PTPRZ1: variants seen among roughly 807,000 people sequenced by gnomAD.
PTPRZ1 encodes protein tyrosine phosphatase receptor type Z1, also known as receptor-type tyrosine-protein phosphatase zeta.
Under a neutral mutation model 214.1 loss-of-function variants are expected in PTPRZ1, and 82 were observed. That is an observed-to-expected ratio of 0.38 (90% CI 0.32 to 0.46). PTPRZ1 has a LOEUF of 0.46. Ranked by LOEUF, PTPRZ1 falls within the 20% of genes least tolerant of loss-of-function variation. The probability of loss-of-function intolerance (pLI) is 1.00; values close to 1 mark genes in which losing one functional copy is unlikely to be tolerated. For synonymous variants in PTPRZ1, 945 were observed against 987.9 expected (o/e 0.96, Z 0.81); for missense variants, 2,603 against 2,748.7 (o/e 0.95, Z 1.19).
At position 121,963,940 on chromosome 7, in the gene PTPRZ1, A is replaced by T. The variant is rs908478081; in HGVS notation, c.125-4011A>T. Among the ~76,000 whole-genome samples the T allele has an allele frequency of 2.6e-4, 39 of 149,180 alleles. 1 individual carries two copies. In the East Asian group the frequency reaches 7.7e-3, roughly 30 times the overall value. On this transcript the variant is annotated intron_variant, in intron 2 of 29. Coordinates refer to ENST00000393386, the MANE Select transcript of PTPRZ1 (RefSeq NM_002851.3). The stretch of plus-strand genomic sequence containing the variant: ...GTGTCATTGCGCTATATGTTGTCCT[A>T]ACCTCGTGTAGTTCAGACTTCAGGT...
chr7:122,015,945 A>G (rs1380622212), intron 12 of PTPRZ1, among the ~76,000 whole-genome samples: 1 of 152,066 alleles, frequency 6.6e-6, no homozygotes, highest in Admixed American at 6.6e-5. Context: ...AATCATATGT[A>G]ATCTGTCTTA....
chr7:121,912,984 G>A (rs1259981070), intron 1 of PTPRZ1, among the ~76,000 whole-genome samples: 1 of 152,122 alleles, frequency 6.6e-6, no homozygotes, highest in Non-Finnish European at 1.5e-5. Context: ...TTCATGTAAT[G>A]AATATTTACA....
rs1313599188 is a variant in PTPRZ1 at position 121,891,476 on chromosome 7, T to TG, written c.58+17919_58+17920insG. 8.2e-4 allele frequency among the ~76,000 whole-genome samples: 119 copies of TG among 144,298 alleles called. 1 individual carries two copies. Among genetic ancestry groups the TG allele is most frequent in the African/African-American group, 2.8e-3 (109 of 38,468 alleles). 94.7% of individuals were successfully genotyped at this position (144,298 alleles called of 152,430 possible). On this transcript the variant is annotated intron_variant, in intron 1 of 29. Transcript: ENST00000393386. ...CTTTTTTTTTTTTTTTTTTTTTTTTTTTTTTAGTTTGATTTTGCTTGAATC... is the reference window on the plus strand; with the variant it reads ...CTTTTTTTTTTTTTTTTTTTTTTTTTGTTTTTAGTTTGATTTTGCTTGAATC...
At position 121,929,572 on chromosome 7, in the gene PTPRZ1, C is replaced by T. The variant is rs541614224; in HGVS notation, c.124+1351C>T. 6.0e-5 allele frequency among the ~76,000 whole-genome samples: 9 copies of T among 150,618 alleles called. No homozygotes were observed. The East Asian group carries it at 1.8e-3, about 29-fold the overall frequency. ...CCTGTAATCCCAGCACTTTGGGAGG[C>T]TGAGGTGGGTAGATCACAAGGTCAG... On this transcript the variant is annotated intron_variant, in intron 2 of 29. Coordinates refer to ENST00000393386, the MANE Select transcript of PTPRZ1 (RefSeq NM_002851.3).
chr7:122,018,599 C>T (rs1048225193), intron 12 of PTPRZ1, among the ~76,000 whole-genome samples: 4 of 151,002 alleles, frequency 2.6e-5, no homozygotes, highest in African/African-American at 9.8e-5. Flanking sequence ...AAATTGAAAT[C>T]GATTACTGGA....
At chr7:121,900,876 T>A (rs1341432865) in intron 1 of PTPRZ1, among the ~76,000 whole-genome samples, 2 of 152,220 alleles carry the variant, frequency 1.3e-5, no homozygotes, top group East Asian at 3.8e-4. Flanking sequence ...TTCTTGTACA[T>A]GAACGATGTG....
At chr7:121,983,477 T>C (rs956090300) in intron 6 of PTPRZ1, among the ~76,000 whole-genome samples, 188 bp from the exon 7 acceptor site, 1 of 152,228 alleles carries the variant, frequency 6.6e-6, no homozygotes, top group Non-Finnish European at 1.5e-5. Context: ...TAACACTGTA[T>C]AGTGACATGT....
chr7:121,908,606 TC>T, intron 1 of PTPRZ1: 1 of 370,442 alleles, frequency 2.7e-6, no homozygotes, highest in South Asian at 2.1e-5. Context: ...TCTCTTTATT[TC>T]CATTACCCTT....
chr7:122,000,208 C>T (rs1225053663), intron 10 of PTPRZ1, among the ~76,000 whole-genome samples: 1 of 152,104 alleles, frequency 6.6e-6, no homozygotes, highest in African/African-American at 2.4e-5. Flanking sequence ...GATTGGTTCT[C>T]TTAGGAGTTA....
intron 23 of PTPRZ1, among the ~76,000 whole-genome samples, chr7:122,046,494 G>A (rs759634797): frequency 6.6e-6 from 1 of 152,154 alleles, no homozygotes; most frequent in Non-Finnish European, 1.5e-5. Flanking sequence ...TGCTGTAGGA[G>A]TACAGGTAAG....
At chr7:122,046,594 G>A (rs944225836) in intron 23 of PTPRZ1, among the ~76,000 whole-genome samples, 9 of 151,652 alleles carry the variant, frequency 5.9e-5, no homozygotes, top group African/African-American at 2.2e-4. Context: ...AGAGAGAGAG[G>A]AGAGAAAAGA....
intron 1 of PTPRZ1, among the ~76,000 whole-genome samples, chr7:121,912,751 G>C (rs533873097): frequency 6.6e-6 from 1 of 152,238 alleles, no homozygotes; most frequent in Admixed American, 6.5e-5. Context: ...GAAAGACGAT[G>C]ATGAAAATAG....
At position 122,042,656 on chromosome 7, in the gene PTPRZ1, G is replaced by A; in HGVS notation, c.5850G>A (p.Leu1950=). 1 of 1,613,886 alleles carries A rather than the reference G, an allele frequency of 6.2e-7. No homozygotes were observed. Among genetic ancestry groups the A allele is most frequent in the Non-Finnish European group, 8.5e-7 (1 of 1,179,820 alleles). The part of the protein sequence containing the change: ...TGTYIVLDSM[L]QQIQHEGTVN... Reference sequence around the variant, plus strand: ...CATATATTGTGCTAGACAGTATGTTGCAGCAGATTCAACACGAAGGAACTG... The same window carrying A: ...CATATATTGTGCTAGACAGTATGTTACAGCAGATTCAACACGAAGGAACTG... Residue 1950 remains leucine, a synonymous_variant, in exon 22 of 30, where the codon TTG becomes TTA. Coordinates refer to ENST00000393386, the MANE Select transcript of PTPRZ1 (RefSeq NM_002851.3).
At chr7:121,934,144 A>G (rs1194568063) in intron 2 of PTPRZ1, among the ~76,000 whole-genome samples, 3 of 152,160 alleles carry the variant, frequency 2.0e-5, no homozygotes, top group East Asian at 3.9e-4. Context: ...CTCACTGTAT[A>G]CTATTCATAC....
At position 122,039,590 on chromosome 7, in the gene PTPRZ1, T is replaced by G. The variant is rs1451485035; in HGVS notation, c.5637+2T>G. The stretch of plus-strand genomic sequence containing the variant: ...CTAAGAAACACAAAAATAAAAAAGG[T>G]GAGTCAACAAAATGATGGGCATAAT... On this transcript the variant is annotated splice_donor_variant, in intron 20 of 29. Coordinates refer to ENST00000393386, the MANE Select transcript of PTPRZ1 (RefSeq NM_002851.3). LOFTEE classifies it high-confidence loss of function. 6.2e-7 allele frequency: 1 copy of G among 1,612,740 alleles called. No individual in the cohort carries two copies. The highest frequency in any genetic ancestry group is 8.5e-7 in the Non-Finnish European group (1 of 1,179,716).
chr7:121,995,606 C>T (rs1277662622), intron 8 of PTPRZ1, among the ~76,000 whole-genome samples: 1 of 152,164 alleles, frequency 6.6e-6, no homozygotes, highest in East Asian at 1.9e-4. Flanking sequence ...TTTCATAATA[C>T]TACTTTTTCA....
chr7:121,934,251 A>C (rs966359462), intron 2 of PTPRZ1, among the ~76,000 whole-genome samples: 1 of 152,308 alleles, frequency 6.6e-6, no homozygotes, highest in South Asian at 2.1e-4. Context: ...TAGTTGGACA[A>C]GAACCGTAGC....
At position 122,034,298 on chromosome 7, in the gene PTPRZ1, C is replaced by G; in HGVS notation, c.5204C>G (p.Thr1735Ser). Residue 1735 changes from threonine (T) to serine (S), a missense_variant, in exon 17 of 30, where the codon ACT becomes AGT. Transcript: ENST00000393386. ...KEFYQEVQSC[T>S]VDLGITADSS... ...TTTTTACAGGAAGTGCAGAGCTGTA[C>G]TGTTGACTTAGGTATTACAGCAGAC... 1 of 1,613,250 alleles carries G rather than the reference C, an allele frequency of 6.2e-7. No homozygotes were observed. The highest frequency in any genetic ancestry group is 8.5e-7 in the Non-Finnish European group (1 of 1,179,500).
chr7:122,030,346 A>G (rs1799335338), intron 14 of PTPRZ1, among the ~76,000 whole-genome samples: 1 of 152,106 alleles, frequency 6.6e-6, no homozygotes, highest in African/African-American at 2.4e-5. Flanking sequence ...GTACTAGTCT[A>G]CTTATGAAAG....
Sources: gnomAD v4.1 joint callset for allele counts (sites outside exome capture counted in the v4.1 genomes callset) on GRCh38, gnomAD v4.1.1 for gene constraint, MANE v1.5 for transcripts, NCBI Gene and HGNC (gene_info 2026-07-23, HGNC 2026-07-21) for gene names.